PRKCA: variants seen among roughly 807,000 people sequenced by gnomAD.
The protein encoded by PRKCA is protein kinase C alpha type.
In PRKCA, 27 loss-of-function variants were observed where a neutral mutation model predicts 87.0. The ratio of observed to expected loss-of-function variants is 0.31; its 90% CI spans 0.23 to 0.43. The LOEUF (loss-of-function observed/expected upper bound fraction) is 0.43. PRKCA is among the 20% of genes least tolerant of loss of function. The probability of loss-of-function intolerance (pLI) is 1.00; values close to 1 mark genes in which losing one functional copy is unlikely to be tolerated. For synonymous variants in PRKCA, 329 were observed against 311.1 expected (o/e 1.06, Z -0.61); for missense variants, 518 against 852.3 (o/e 0.61, Z 4.88).
chr17:66,520,533 G>C (rs2144217704), intron 3 of PRKCA, among the ~76,000 whole-genome samples: 1 of 152,304 alleles, frequency 6.6e-6, no homozygotes, highest in African/African-American at 2.4e-5. Flanking sequence ...AGAGTGCTGG[G>C]ATTACAGGTG....
chr17:66,374,463 C>T (rs1487674787), intron 2 of PRKCA, among the ~76,000 whole-genome samples: 1 of 152,184 alleles, frequency 6.6e-6, no homozygotes, highest in Non-Finnish European at 1.5e-5. Flanking sequence ...CTTACAGGGC[C>T]TCATGCTGGC....
intron 4 of PRKCA, among the ~76,000 whole-genome samples, chr17:66,644,586 G>A (rs918267775): frequency 6.6e-6 from 1 of 152,126 alleles, no homozygotes; most frequent in South Asian, 2.1e-4. Flanking sequence ...TGTAAGGAAT[G>A]GCTGATCATG....
At chr17:66,454,480 T>G (rs1914488594) in intron 2 of PRKCA, among the ~76,000 whole-genome samples, 1 of 152,152 alleles carries the variant, frequency 6.6e-6, no homozygotes, top group Admixed American at 6.5e-5. Context: ...GGTAGGTGTA[T>G]TAGTCTGTTT....
Position 66,593,517 on chromosome 17 carries a change from A to C in PRKCA, c.289-47838A>C, listed in dbSNP as rs557684258. Among the ~76,000 whole-genome samples, 16 of 152,304 alleles carry C rather than the reference A, an allele frequency of 1.1e-4. No individual in the cohort carries two copies. The East Asian group carries it at 3.1e-3, about 29-fold the overall frequency. On this transcript the variant is annotated intron_variant, in intron 3 of 16. Coordinates refer to ENST00000413366, the MANE Select transcript of PRKCA (RefSeq NM_002737.3). ...AACTGCAAGAGAGGCAGGCAAATGGAGTCCCCAGCTGGAGGCCACATGCAC... is the reference window on the plus strand; with the variant it reads ...AACTGCAAGAGAGGCAGGCAAATGGCGTCCCCAGCTGGAGGCCACATGCAC...
chr17:66,390,521 G>C (rs987180375), intron 2 of PRKCA, among the ~76,000 whole-genome samples: 11 of 152,128 alleles, frequency 7.2e-5, no homozygotes, highest in African/African-American at 2.7e-4. Context: ...TTCTCTCTCT[G>C]AGCTGTCAGT....
At chr17:66,362,271 A>G (rs1200243160) in intron 2 of PRKCA, among the ~76,000 whole-genome samples, 2 of 152,142 alleles carry the variant, frequency 1.3e-5, no homozygotes, top group Non-Finnish European at 2.9e-5. Flanking sequence ...TCCAGACCTC[A>G]GGTGATCCAC....
intron 14 of PRKCA, among the ~76,000 whole-genome samples, chr17:66,778,492 G>A (rs1454428700): frequency 1.3e-5 from 2 of 152,098 alleles, no homozygotes; most frequent in African/African-American, 4.8e-5. Flanking sequence ...CTGCAGCCTG[G>A]GCGACAGAGC....
At chr17:66,473,333 G>A (rs1237835790) in intron 2 of PRKCA, among the ~76,000 whole-genome samples, 4 of 152,068 alleles carry the variant, frequency 2.6e-5, no homozygotes, top group East Asian at 1.9e-4. Flanking sequence ...TGGATTGCAC[G>A]GACTCGCCCT....
At chr17:66,481,010 G>A (rs145750124) in intron 2 of PRKCA, among the ~76,000 whole-genome samples, 2,303 of 152,080 alleles carry the variant, frequency 0.015, 29 homozygotes, top group Non-Finnish European at 0.024. Flanking sequence ...AGGTGTTACC[G>A]CAGAACGCTG....
chr17:66,787,112 T>A, intron 15 of PRKCA, 138 bp downstream of exon 15: 4 of 804,138 alleles, frequency 5.0e-6, no homozygotes, highest in Non-Finnish European at 9.1e-6. Flanking sequence ...GGGTTGGGGC[T>A]TGGTGTCATG....
At position 66,486,983 on chromosome 17, in the gene PRKCA, T is replaced by A. The variant is rs548299917; in HGVS notation, c.206-9218T>A. Among the ~76,000 whole-genome samples, 12 of 152,332 alleles carry A rather than the reference T, an allele frequency of 7.9e-5. No homozygotes were observed. The Middle Eastern group carries it at 0.01, about 130-fold the overall frequency. The stretch of plus-strand genomic sequence containing the variant: ...TGTATCTACATACAATGTGTAATGA[T>A]AAAATCAGGGCAACTGAAATATTCA... On this transcript the variant is annotated intron_variant, in intron 2 of 16. Coordinates refer to ENST00000413366, the MANE Select transcript of PRKCA (RefSeq NM_002737.3).
chr17:66,771,841 C>T (rs1363086052), intron 13 of PRKCA, among the ~76,000 whole-genome samples: 10 of 152,078 alleles, frequency 6.6e-5, no homozygotes, highest in African/African-American at 9.7e-5. Flanking sequence ...ATGATCCACC[C>T]GCCTTGGCCT....
chr17:66,741,606 T>C (rs1974160349), intron 11 of PRKCA, 53 bp from the exon 12 acceptor site: 9 of 1,562,402 alleles, frequency 5.8e-6, no homozygotes, highest in Non-Finnish European at 7.9e-6. Context: ...ATGTAAAGTA[T>C]ACAGGCATCT....
intron 1 of PRKCA, among the ~76,000 whole-genome samples, chr17:66,303,466 C>A (rs12452698): frequency 0.16 from 23,915 of 150,572 alleles, 2,497 homozygotes; most frequent in Non-Finnish European, 0.24. Context: ...TGCGCGCGGT[C>A]CAAGTTGCTG....
At chr17:66,315,927 G>A (rs1905293444) in intron 2 of PRKCA, among the ~76,000 whole-genome samples, 1 of 152,206 alleles carries the variant, frequency 6.6e-6, no homozygotes, top group African/African-American at 2.4e-5. Context: ...ACAACACATT[G>A]TAACAATACA....
At chr17:66,494,540 C>T (rs1916383389) in intron 2 of PRKCA, among the ~76,000 whole-genome samples, 2 of 152,176 alleles carry the variant, frequency 1.3e-5, no homozygotes, top group African/African-American at 4.8e-5. Flanking sequence ...GGAGTGACCC[C>T]CCAAGGGTCC....
intron 2 of PRKCA, among the ~76,000 whole-genome samples, chr17:66,441,683 C>T (rs1450849896): frequency 6.6e-6 from 1 of 152,118 alleles, no homozygotes; most frequent in African/African-American, 2.4e-5. Flanking sequence ...CGGATAGCTG[C>T]TGTGCGGTTT....
At chr17:66,336,729 A>G (rs1470377300) in intron 2 of PRKCA, among the ~76,000 whole-genome samples, 1 of 136,134 alleles carries the variant, frequency 7.3e-6, no homozygotes, top group Non-Finnish European at 1.7e-5. Flanking sequence ...TTAATTCGCC[A>G]CATCCTGAAC....
rs1180467349 is a variant in PRKCA at position 66,792,768 on chromosome 17, T to C, written c.1854+3789T>C. Among the ~76,000 whole-genome samples the C allele has an allele frequency of 6.6e-6, 1 of 152,146 alleles. No individual in the cohort carries two copies. The highest frequency in any genetic ancestry group is 1.5e-5 in the Non-Finnish European group (1 of 68,022). The stretch of plus-strand genomic sequence containing the variant: ...TCGAGTGTGTGGGACAGTGGCCATC[T>C]CCCTTAGCAGTGGCCACCTTCCCTG... On this transcript the variant is annotated intron_variant, in intron 16 of 16. Coordinates refer to ENST00000413366, the MANE Select transcript of PRKCA (RefSeq NM_002737.3). This position sits in a 1 kb window ranked among gnomAD's most constrained non-coding sequence, Gnocchi z 4.5.
Sources: gnomAD v4.1 joint callset for allele counts (sites outside exome capture counted in the v4.1 genomes callset) on GRCh38, gnomAD v4.1.1 for gene constraint, Gnocchi (gnomAD v3.1) non-coding constraint, MANE v1.5 for transcripts, NCBI Gene and HGNC (gene_info 2026-07-23, HGNC 2026-07-21) for gene names.